SORL1: variants seen among roughly 807,000 people sequenced by gnomAD.
SORL1 encodes sortilin related receptor 1.
Under a neutral mutation model 273.7 loss-of-function variants are expected in SORL1, and 127 were observed. That is an observed-to-expected ratio of 0.46 (90% CI 0.40 to 0.54). The LOEUF (loss-of-function observed/expected upper bound fraction) is 0.54, where lower values mean the gene tolerates loss of function less well. Among genes scored for constraint, SORL1 ranks in the 20% least tolerant of loss-of-function variants. The pLI is 0.00. For synonymous variants in SORL1, 1,031 were observed against 1,067.4 expected, an observed-to-expected ratio of 0.97 and a Z score of 0.66; for missense variants, 2,494 against 2,846.1, an observed-to-expected ratio of 0.88 and a Z score of 2.81.
In SORL1 at chr11:121,520,744, G is replaced by A. The variant is rs1394117768; in HGVS notation, c.1299G>A (p.Met433Ile). The change falls in exon 9 of 48, where the codon ATG becomes ATA. Residue 433 changes from methionine to isoleucine, a missense_variant. Coordinates refer to ENST00000260197, the MANE Select transcript of SORL1 (RefSeq NM_003105.6). Reference protein sequence around the residue: ...VYIATLINGSMNEENMRSVIT... With the variant: ...VYIATLINGSINEENMRSVIT... ...TTGCTACTCTGATTAATGGTTCTAT[G>A]AATGAGGAGAACATGAGATCGGTCA... is the stretch of plus-strand genomic sequence containing the variant. 1.2e-6 allele frequency: 2 copies of A among 1,612,568 alleles called. No individual in the cohort carries two copies. Among genetic ancestry groups the A allele is most frequent in the African/African-American group, 2.7e-5 (2 of 74,894 alleles).
chr11:121,625,059 G>A (rs1863775033), intron 45 of SORL1, 26 bp from the exon 46 acceptor site: 1 of 1,551,798 alleles, frequency 6.4e-7, no homozygotes, highest in South Asian at 1.2e-5. Context: ...TCGACTTCCT[G>A]AGCAATCTCT....
rs760869159 is a variant in SORL1, at chr11:121,608,057, G to A, written c.5167-47G>A. 11 of 1,503,292 alleles carry A rather than the reference G, an allele frequency of 7.3e-6. No homozygotes were observed. In the East Asian group the frequency reaches 1.8e-4, roughly 25 times the overall value. The allele number at this position is 1,503,292 out of a possible 1,614,324, so 93.1% of individuals were successfully genotyped here. ...TCAGTATTCTTACTGTATGGTGTAT[G>A]GTGTATTGCCTTTATTTCATATTAA... is the stretch of plus-strand genomic sequence containing the variant. On this transcript the variant is annotated intron_variant, in intron 37 of 47. Transcript: ENST00000260197.
rs117632900 is a variant in SORL1 at position 121,528,350 on chromosome 11, T to C, written c.1597-4114T>C. Among the ~76,000 whole-genome samples the C allele has an allele frequency of 1.5e-4, 23 of 152,262 alleles. No homozygotes were observed. In the East Asian group the frequency reaches 4.2e-3, roughly 28 times the overall value. Reference sequence around the variant, plus strand: ...TGGGCATACCTGTGATCCCAGTTACTCTGGGGGCTGAGGTGGGAGGCTCAC... The same window carrying C: ...TGGGCATACCTGTGATCCCAGTTACCCTGGGGGCTGAGGTGGGAGGCTCAC... On this transcript the variant is annotated intron_variant, in intron 11 of 47. Coordinates refer to ENST00000260197, the MANE Select transcript of SORL1 (RefSeq NM_003105.6).
chr11:121,497,044 G>A lies in SORL1; in HGVS notation c.934G>A (p.Val312Met). The A allele has an allele frequency of 1.2e-6, 2 of 1,612,846 alleles. No individual in the cohort carries two copies. The highest frequency in any genetic ancestry group is 8.5e-7 in the Non-Finnish European group (1 of 1,179,640). The change falls in exon 6 of 48, where the codon GTG becomes ATG. Residue 312 changes from valine to methionine, a missense_variant. Coordinates refer to ENST00000260197, the MANE Select transcript of SORL1 (RefSeq NM_003105.6). ...LRDKYMFATK[V>M]VHLLGSEQQS... ...GGACAAGTACATGTTTGCTACAAAG[G>A]TGGTGGTAAGTTGAATGTACTAAAG... is the stretch of plus-strand genomic sequence containing the variant.
intron 8 of SORL1, among the ~76,000 whole-genome samples, chr11:121,516,331 G>T (rs961349104): frequency 6.6e-5 from 10 of 152,222 alleles, no homozygotes; most frequent in Admixed American, 2.6e-4. Context: ...GAGCCAATGG[G>T]ATTTGTTGAT....
chr11:121,605,264 GATGAAA>G, intron 34 of SORL1, 25 bp downstream of exon 34: 2 of 1,600,474 alleles, frequency 1.2e-6, no homozygotes, highest in Non-Finnish European at 1.7e-6. Context: ...TGTCATGGGA[GATGAAA>G]ATGATGTCTT....
At chr11:121,496,810 C>G in intron 5 of SORL1, 59 bp from the exon 6 acceptor site, 1 of 1,466,820 alleles carries the variant, frequency 6.8e-7, no homozygotes, top group Non-Finnish European at 9.3e-7. Context: ...TGCAAAACTT[C>G]CATGCCTCTA....
chr11:121,539,166 A>G (rs1025531226), intron 12 of SORL1, among the ~76,000 whole-genome samples: 4 of 152,326 alleles, frequency 2.6e-5, no homozygotes, highest in African/African-American at 9.6e-5. Context: ...CCATCAGTGA[A>G]TTTTATCTGA....
chr11:121,594,760 G>A (rs1183374327), intron 31 of SORL1, among the ~76,000 whole-genome samples: 1 of 152,088 alleles, frequency 6.6e-6, no homozygotes. Context: ...CTTGGTTGCT[G>A]CTTGTATTTA....
rs1009343312 is a variant in SORL1, at chr11:121,601,797, G to T, written c.4520-2396G>T. Among the ~76,000 whole-genome samples the T allele has an allele frequency of 1.4e-4, 22 of 152,084 alleles. 1 individual carries two copies. The highest frequency in any genetic ancestry group is 2.2e-4 in the Non-Finnish European group (15 of 68,022). ...TATAAAGAAACCTCCAACGTCCTCAGCTCTACTGCTTAGCTGTTGTTTGAT... is the reference window on the plus strand; with the variant it reads ...TATAAAGAAACCTCCAACGTCCTCATCTCTACTGCTTAGCTGTTGTTTGAT... On this transcript the variant is annotated intron_variant, in intron 32 of 47. Transcript: ENST00000260197.
Position 121,583,602 on chromosome 11 carries a change from G to A in SORL1, c.3706+19G>A. 1 of 1,595,504 alleles carries A rather than the reference G, an allele frequency of 6.3e-7. No individual in the cohort carries two copies. Among genetic ancestry groups the A allele is most frequent in the Non-Finnish European group, 8.5e-7 (1 of 1,170,876 alleles). On this transcript the variant is annotated intron_variant, in intron 26 of 47. Transcript: ENST00000260197. The stretch of plus-strand genomic sequence containing the variant: ...AACTGTGGTAAATGCAAATTCCCCA[G>A]CTCCCTCCCTGAGCCTCCCCAGTGT...
intron 32 of SORL1, among the ~76,000 whole-genome samples, chr11:121,601,975 C>T (rs962423622): frequency 6.6e-6 from 1 of 152,158 alleles, no homozygotes; most frequent in African/African-American, 2.4e-5. Context: ...TGCAGTTTCT[C>T]TCAATAGAAG....
At chr11:121,598,817 G>A (rs1323797918) in intron 32 of SORL1, among the ~76,000 whole-genome samples, 3 of 152,116 alleles carry the variant, frequency 2.0e-5, no homozygotes, top group Non-Finnish European at 4.4e-5. Context: ...TTGGCTTTTC[G>A]GAGGGGTCCC....
intron 25 of SORL1, among the ~76,000 whole-genome samples, chr11:121,580,425 C>T (rs1862996361): frequency 6.6e-6 from 1 of 152,170 alleles, no homozygotes; most frequent in Non-Finnish European, 1.5e-5. Flanking sequence ...TTCACATATA[C>T]ATGGAGCTGT....
In SORL1 at chr11:121,570,221, G is replaced by A. The variant is rs1477603016; in HGVS notation, c.3288G>A (p.Trp1096Ter). The change falls in exon 23 of 48, where the codon TGG (tryptophan) becomes TGA (stop). Residue 1096 changes from tryptophan to a stop codon, truncating the protein, a stop_gained. Coordinates refer to ENST00000260197, the MANE Select transcript of SORL1 (RefSeq NM_003105.6). LOFTEE classifies it high-confidence loss of function. ...GGAACTGTATCAACAGCATTTGGTG[G>A]TGTGACTTTGACAACGACTGTGGAG... ...SNGNCINSIWWCDFDNDCGDM... is the reference protein window; with the variant it reads ...SNGNCINSIW The A allele has an allele frequency of 6.2e-7, 1 of 1,614,084 alleles. No homozygotes were observed. The highest frequency in any genetic ancestry group is 1.7e-5 in the Admixed American group (1 of 60,036).
intron 1 of SORL1, among the ~76,000 whole-genome samples, chr11:121,457,580 T>C (rs1033287539): frequency 1.2e-4 from 18 of 152,220 alleles, no homozygotes; most frequent in African/African-American, 3.9e-4. Flanking sequence ...TGGTGAATTG[T>C]TAGAAAATTA....
intron 31 of SORL1, among the ~76,000 whole-genome samples, chr11:121,593,568 A>T (rs528651440): frequency 2.0e-5 from 3 of 152,106 alleles, no homozygotes; most frequent in African/African-American, 4.8e-5. Context: ...CCTTTCTCCC[A>T]GTTTAGATTC....
chr11:121,490,455 T>C (rs1240591510), intron 5 of SORL1, among the ~76,000 whole-genome samples: 1 of 152,074 alleles, frequency 6.6e-6, no homozygotes, highest in African/African-American at 2.4e-5. Context: ...AATTCATGCA[T>C]TTCGCTGGGT....
At chr11:121,509,622 A>C (rs1396492409) in intron 6 of SORL1, among the ~76,000 whole-genome samples, 2 of 152,164 alleles carry the variant, frequency 1.3e-5, no homozygotes, top group East Asian at 3.9e-4. Context: ...GATTACAGGC[A>C]TACTCTACCA....
Sources: allele counts gnomAD v4.1 joint callset (sites outside exome capture counted in the v4.1 genomes callset), GRCh38; gene constraint gnomAD v4.1.1; transcripts MANE v1.5; gene names NCBI Gene and HGNC (gene_info 2026-07-23, HGNC 2026-07-21).